Variants in HOMEZ observed in about 807,000 individuals in gnomAD.
HOMEZ encodes the protein homeobox and leucine zipper encoding, also known as homeobox and leucine zipper protein Homez.
In HOMEZ, 20 loss-of-function variants were observed where a neutral mutation model predicts 50.1. The observed-to-expected ratio is 0.40, with a 90% confidence interval of 0.28 to 0.58. The LOEUF is 0.58. Ranked by LOEUF, HOMEZ falls within the 20% of genes least tolerant of loss-of-function variation. The pLI is 0.46. For synonymous variants in HOMEZ, 239 were observed against 254.7 expected (o/e 0.94, Z 0.59); for missense variants, 579 against 680.5 (o/e 0.85, Z 1.66).
chr14:23,280,740 A>ACTTTACTTTACTTTACTTTACTTTACT (rs1555323620), intron 1 of HOMEZ, among the ~76,000 whole-genome samples: 2 of 41,264 alleles, frequency 4.8e-5, no homozygotes, highest in African/African-American at 1.6e-4. Flanking sequence ...ATTTTATTTT[A>ACTTTACTTTACTTTACTTTACTTTACT]TTATTTTATT....
At chr14:23,280,745 T>TTTATTTTATTTTATTTTATTTTA (rs1566451223) in intron 1 of HOMEZ, among the ~76,000 whole-genome samples, 145 of 78,546 alleles carry the variant, frequency 1.8e-3, no homozygotes, top group Middle Eastern at 6.2e-3. Context: ...ATTTTATTAT[T>TTTATTTTATTTTATTTTATTTTA]TTATTTTATT....
intron 1 of HOMEZ, among the ~76,000 whole-genome samples, chr14:23,279,134 C>T (rs771663614): frequency 1.3e-5 from 2 of 152,156 alleles, no homozygotes; most frequent in Non-Finnish European, 2.9e-5. Context: ...CAAGCGTGCA[C>T]CATGATGCCC....
rs1457959549 is a variant in HOMEZ at position 23,280,699 on chromosome 14, T to A, written c.41-3512A>T. ...CATCTGTTATATTTTATTTTTATTT[T>A]TATATTTTTATTTTTATTTTATTTT... On this transcript the variant is annotated intron_variant, in intron 1 of 1. Transcript: ENST00000357460. Among the ~76,000 whole-genome samples, 22 of 108,956 alleles carry A rather than the reference T, an allele frequency of 2.0e-4. 1 individual carries two copies. The highest frequency in any genetic ancestry group is 6.7e-4 in the African/African-American group (21 of 31,184). 71.5% of individuals were successfully genotyped at this position (108,956 alleles called of 152,430 possible).
Position 23,276,957 on chromosome 14 carries a change from G to T in HOMEZ, c.271C>A (p.Arg91Ser). 1 of 1,614,032 alleles carries T rather than the reference G, an allele frequency of 6.2e-7. No individual in the cohort carries two copies. Among genetic ancestry groups the T allele is most frequent in the Non-Finnish European group, 8.5e-7 (1 of 1,179,888 alleles). The change falls in exon 2 of 2, where the codon CGT becomes AGT. Residue 91 changes from arginine (R) to serine (S), a missense_variant. Physicochemically the swap from Arg to Ser is moderately radical, Grantham distance 110 (BLOSUM62 -1). Coordinates refer to ENST00000357460, the MANE Select transcript of HOMEZ (RefSeq NM_020834.3). The surrounding 1 kb of genome is among the most constrained non-coding windows in gnomAD (Gnocchi z 4.1). ...SLADIALLCL[R>S]YGLQMEKVKT... ...ACTTTCTCCATCTGCAACCCATAACGTAGGCAGAGAAGGGCAATGTCTGCT... is the reference window on the plus strand; with the variant it reads ...ACTTTCTCCATCTGCAACCCATAACTTAGGCAGAGAAGGGCAATGTCTGCT...
chr14:23,276,632 T>C lies in HOMEZ; in HGVS notation c.596A>G (p.Gln199Arg). Reference protein sequence around the residue: ...SQMPPLPQSHQKLKESLMTPG... With the variant: ...SQMPPLPQSHRKLKESLMTPG... Reference sequence around the variant, plus strand: ...TGTCATCAGGGACTCCTTTAATTTCTGGTGACTCTGTGGCAGTGGTGGCAT... The same window carrying C: ...TGTCATCAGGGACTCCTTTAATTTCCGGTGACTCTGTGGCAGTGGTGGCAT... Residue 199 changes from glutamine to arginine, a missense_variant, in exon 2 of 2, where the codon CAG (glutamine) becomes CGG (arginine). By Grantham distance (43) the Gln-to-Arg change is conservative. Coordinates refer to ENST00000357460, the MANE Select transcript of HOMEZ (RefSeq NM_020834.3). The surrounding 1 kb of genome is among the most constrained non-coding windows in gnomAD (Gnocchi z 4.1). 1 of 1,614,022 alleles carries C rather than the reference T, an allele frequency of 6.2e-7. No homozygotes were observed. The highest frequency in any genetic ancestry group is 1.7e-5 in the Admixed American group (1 of 60,028).
chr14:23,278,674 T>C (rs982858631), intron 1 of HOMEZ, among the ~76,000 whole-genome samples: 40 of 151,034 alleles, frequency 2.6e-4, no homozygotes, highest in African/African-American at 9.5e-4. Context: ...CTCAGAATTG[T>C]TTGTTTGTTT....
At chr14:23,281,426 T>C (rs181635192) in intron 1 of HOMEZ, among the ~76,000 whole-genome samples, 227 of 152,276 alleles carry the variant, frequency 1.5e-3, no homozygotes, top group African/African-American at 5.2e-3. Context: ...TTATCAGCTA[T>C]GTGATCTCAG....
intron 1 of HOMEZ, among the ~76,000 whole-genome samples, chr14:23,278,670 ATTGT>A (rs10640227): frequency 1.4e-3 from 218 of 150,550 alleles, no homozygotes; most frequent in African/African-American, 3.7e-3. Flanking sequence ...GGCCCTCAGA[ATTGT>A]TTGTTTGTTT....
rs936402198 is a variant in HOMEZ, at chr14:23,276,436, T to TG, written c.791dup (p.Pro265ThrfsTer8). 1 of 1,613,850 alleles carries TG rather than the reference T, an allele frequency of 6.2e-7. No individual in the cohort carries two copies. The highest frequency in any genetic ancestry group is 1.7e-5 in the Admixed American group (1 of 59,998). On this transcript the variant is annotated frameshift_variant, in exon 2 of 2. Transcript: ENST00000357460. LOFTEE classifies it high-confidence loss of function. The surrounding 1 kb of genome is among the most constrained non-coding windows in gnomAD (Gnocchi z 4.1). Reference sequence around the variant, plus strand: ...AACTACTGGCAATTAATGCAATTGGTGGGGGTTTATCCCGAGCTTGTGGCT... The same window carrying TG: ...AACTACTGGCAATTAATGCAATTGGTGGGGGGTTTATCCCGAGCTTGTGGCT...
At chr14:23,279,754 T>G (rs1438406013) in intron 1 of HOMEZ, among the ~76,000 whole-genome samples, 2 of 152,148 alleles carry the variant, frequency 1.3e-5, no homozygotes, top group East Asian at 3.9e-4. Context: ...AGTGCTGGGA[T>G]TACAGGCATG....
rs1886348083 is a variant in HOMEZ, at chr14:23,276,124, C to T, written c.1104G>A (p.Leu368=). Residue 368 remains leucine, a synonymous_variant, in exon 2 of 2, where the codon CTG becomes CTA. Coordinates refer to ENST00000357460, the MANE Select transcript of HOMEZ (RefSeq NM_020834.3). The surrounding 1 kb of genome is among the most constrained non-coding windows in gnomAD (Gnocchi z 4.1). ...GTAAAAAAAAGGATTTAAGGATAGC[C>T]AGCTGCTCTTTGGTTTTGCGCTTGG... is the stretch of plus-strand genomic sequence containing the variant. The part of the protein sequence containing the change: ...RKTKRKTKEQ[L]AILKSFFLQC... 1.9e-6 allele frequency: 3 copies of T among 1,613,944 alleles called. No individual in the cohort carries two copies. Among genetic ancestry groups the T allele is most frequent in the Non-Finnish European group, 2.5e-6 (3 of 1,179,860 alleles).
In HOMEZ at chr14:23,275,615, TCTTCCTCCTCCTCC is replaced by T; in HGVS notation, c.1599_1612del (p.Glu534Ter). The T allele has an allele frequency of 1.1e-5, 16 of 1,433,282 alleles. No homozygotes were observed. The highest frequency in any genetic ancestry group is 1.5e-5 in the Non-Finnish European group (16 of 1,061,824). 88.8% of individuals were successfully genotyped at this position (1,433,282 alleles called of 1,614,324 possible). ...CACATCATCATCATCATCATCATCA[TCTTCCTCCTCCTCC>T]TCCTCCTCTTCCTCATCATCTTCTG... On this transcript the variant is annotated frameshift_variant, in exon 2 of 2. Coordinates refer to ENST00000357460, the MANE Select transcript of HOMEZ (RefSeq NM_020834.3). LOFTEE classifies it high-confidence loss of function.
chr14:23,275,654 G>C lies in HOMEZ; in HGVS notation c.1574C>G (p.Pro525Arg). 6.4e-7 allele frequency: 1 copy of C among 1,565,488 alleles called. No homozygotes were observed. Among genetic ancestry groups the C allele is most frequent in the Non-Finnish European group, 8.7e-7 (1 of 1,153,966 alleles). The part of the protein sequence containing the change: ...EEEEEEEEEL[P>R]EDDEEEEEEE... The stretch of plus-strand genomic sequence containing the variant: ...CTCCTCCTCTTCCTCATCATCTTCT[G>C]GCAGTTCTTCCTCCTCCTCTTCCTC... Residue 525 changes from proline to arginine, a missense_variant, in exon 2 of 2, where the codon CCA (proline) becomes CGA (arginine). Transcript: ENST00000357460.
chr14:23,282,777 G>C (rs1007133430), intron 1 of HOMEZ, among the ~76,000 whole-genome samples: 3 of 152,126 alleles, frequency 2.0e-5, no homozygotes, highest in African/African-American at 7.2e-5. Context: ...TCACATTCTC[G>C]GCATCAGCTT....
intron 1 of HOMEZ, among the ~76,000 whole-genome samples, chr14:23,283,788 G>C (rs1220835717): frequency 6.6e-6 from 1 of 152,184 alleles, no homozygotes; most frequent in Non-Finnish European, 1.5e-5. Context: ...CCAGCTACTG[G>C]GAAGGCTGAG....
At chr14:23,283,648 A>C (rs991728045) in intron 1 of HOMEZ, among the ~76,000 whole-genome samples, 2 of 152,074 alleles carry the variant, frequency 1.3e-5, no homozygotes, top group Admixed American at 6.5e-5. Context: ...TAGTCCCAGC[A>C]CTTTGGGAGG....
chr14:23,280,710 T>TTTTTATTTTATTTTA (rs1310956438), intron 1 of HOMEZ, among the ~76,000 whole-genome samples: 7,681 of 60,954 alleles, frequency 0.13, 1,948 homozygotes, highest in Middle Eastern at 0.22. Flanking sequence ...TATATTTTTA[T>TTTTTATTTTATTTTA]TTTTATTTTA....
At chr14:23,282,588 T>G (rs1472947456) in intron 1 of HOMEZ, among the ~76,000 whole-genome samples, 1 of 151,824 alleles carries the variant, frequency 6.6e-6, no homozygotes, top group East Asian at 1.9e-4. Flanking sequence ...TAACCTCATT[T>G]GTGTCCTATT....
chr14:23,276,817 G>A lies in HOMEZ; in HGVS notation c.411C>T (p.Ser137=). Residue 137 remains serine (S), a synonymous_variant, in exon 2 of 2, where the codon TCC becomes TCT. Coordinates refer to ENST00000357460, the MANE Select transcript of HOMEZ (RefSeq NM_020834.3). This position sits in a 1 kb window ranked among gnomAD's most constrained non-coding sequence, Gnocchi z 4.1. ...CCGCATGATGAGTAAAAGAGAGAAG[G>A]GATTTGAAATGGAGTTGGTCCCGAC... The part of the protein sequence containing the change: ...VYRRDQLHFK[S]LLSFTHHAGR... 1 of 1,614,028 alleles carries A rather than the reference G, an allele frequency of 6.2e-7. No homozygotes were observed. Among genetic ancestry groups the A allele is most frequent in the Non-Finnish European group, 8.5e-7 (1 of 1,179,900 alleles).
Sources: allele counts gnomAD v4.1 joint callset (sites outside exome capture counted in the v4.1 genomes callset), GRCh38; gene constraint gnomAD v4.1.1; non-coding constraint Gnocchi (gnomAD v3.1); transcripts MANE v1.5; gene names NCBI Gene and HGNC (gene_info 2026-07-23, HGNC 2026-07-21).